Variants in PTPRA observed in about 807,000 individuals in gnomAD.
PTPRA encodes the protein receptor-type tyrosine-protein phosphatase alpha.
PTPRA carries 25 observed loss-of-function variants against 104.8 expected under a neutral mutation model. That is an observed-to-expected ratio of 0.24 (90% CI 0.17 to 0.33). The LOEUF is 0.33. PTPRA is among the 10% of genes least tolerant of loss of function. The pLI, the probability that PTPRA is intolerant of heterozygous loss-of-function variation, is 1.00. For missense variants in PTPRA, 765 were observed against 1,015.3 expected, an observed-to-expected ratio of 0.75 and a Z score of 3.35; for synonymous variants, 323 against 368.9, an observed-to-expected ratio of 0.88 and a Z score of 1.43.
At chr20:2,982,961 G>C (rs1024718870) in intron 6 of PTPRA, among the ~76,000 whole-genome samples, 3 of 152,166 alleles carry the variant, frequency 2.0e-5, no homozygotes, top group Non-Finnish European at 2.9e-5. Flanking sequence ...GCTTCCCAAA[G>C]TGCTGGGATT....
chr20:2,888,458 C>T (rs1391519211), intron 1 of PTPRA, among the ~76,000 whole-genome samples: 2 of 151,734 alleles, frequency 1.3e-5, no homozygotes, highest in Non-Finnish European at 2.9e-5. Context: ...ACTTGGGAGG[C>T]TGAGGTGGGA....
chr20:2,866,460 C>T, the PTPRA span: 46 of 1,614,026 alleles, frequency 2.9e-5, no homozygotes, highest in Middle Eastern at 1.6e-4. Context: ...ATGTGGCCAT[C>T]GAACACCGGA....
intron 6 of PTPRA, among the ~76,000 whole-genome samples, chr20:2,982,700 T>A (rs759865752): frequency 4.3e-3 from 635 of 149,028 alleles, no homozygotes; most frequent in Middle Eastern, 0.011. Context: ...TAACAGCAAT[T>A]TTTTTTTTTT....
chr20:3,036,048 A>G (rs1015179286), intron 22 of PTPRA, 107 bp downstream of exon 22: 4 of 1,550,068 alleles, frequency 2.6e-6, no homozygotes, highest in Non-Finnish European at 3.5e-6. Context: ...AGAGCAAGAT[A>G]TTGGTGAGCA....
intron 1 of PTPRA, among the ~76,000 whole-genome samples, chr20:2,905,690 C>CTTTTTTTTTTTTT (rs11479039): frequency 1.7e-4 from 12 of 70,632 alleles, no homozygotes; most frequent in East Asian, 4.2e-4. Context: ...TCATAAAATT[C>CTTTTTTTTTTTTT]TTTTTTTTTT....
intron 3 of PTPRA, among the ~76,000 whole-genome samples, chr20:2,952,448 T>C (rs1404570782): frequency 6.6e-6 from 1 of 152,216 alleles, no homozygotes. Flanking sequence ...GAGAGTTCTT[T>C]ATATATCTGG....
intron 6 of PTPRA, among the ~76,000 whole-genome samples, chr20:2,978,376 AAAC>A (rs1186022742): frequency 6.6e-6 from 1 of 152,196 alleles, no homozygotes; most frequent in Non-Finnish European, 1.5e-5. Context: ...GAAACATTTA[AAAC>A]AACATTACAA....
intron 12 of PTPRA, among the ~76,000 whole-genome samples, 199 bp downstream of exon 12, chr20:3,016,084 A>G (rs2064432689): frequency 6.6e-6 from 1 of 152,232 alleles, no homozygotes; most frequent in South Asian, 2.1e-4. Flanking sequence ...CCAGGGATCC[A>G]TTAAAAGAAG....
At chr20:2,930,176 C>T (rs1054383179) in intron 2 of PTPRA, among the ~76,000 whole-genome samples, 1 of 152,134 alleles carries the variant, frequency 6.6e-6, no homozygotes, top group African/African-American at 2.4e-5. Flanking sequence ...TGCATTGCAG[C>T]ATTTGGTAAA....
chr20:2,940,250 C>T (rs568557877), intron 2 of PTPRA, among the ~76,000 whole-genome samples: 12 of 152,036 alleles, frequency 7.9e-5, no homozygotes, highest in East Asian at 7.7e-4. Flanking sequence ...AACCTATGTA[C>T]GTAGTCTTTC....
At chr20:3,024,317 C>T (rs943603405) in intron 16 of PTPRA, among the ~76,000 whole-genome samples, 155 bp from the exon 17 acceptor site, 1 of 152,170 alleles carries the variant, frequency 6.6e-6, no homozygotes, top group African/African-American at 2.4e-5. Flanking sequence ...TTTCAAGTCC[C>T]ACTTCACTAA....
intron 3 of PTPRA, among the ~76,000 whole-genome samples, chr20:2,958,197 G>A (rs2061606979): frequency 6.6e-6 from 1 of 152,138 alleles, no homozygotes; most frequent in South Asian, 2.1e-4. Context: ...AGCAGGTGTG[G>A]TAGACATAAC....
At chr20:2,993,321 T>C (rs1191970855) in intron 9 of PTPRA, among the ~76,000 whole-genome samples, 1 of 152,162 alleles carries the variant, frequency 6.6e-6, no homozygotes, top group Non-Finnish European at 1.5e-5. Flanking sequence ...TCAGAAAATT[T>C]GGCTGAGGTG....
intron 1 of PTPRA, among the ~76,000 whole-genome samples, chr20:2,903,907 CA>C (rs1390649322): frequency 6.6e-6 from 1 of 151,554 alleles, no homozygotes; most frequent in Non-Finnish European, 1.5e-5. Flanking sequence ...GGTGGGTTTC[CA>C]TAACTTTTTT....
intron 3 of PTPRA, among the ~76,000 whole-genome samples, chr20:2,954,270 G>C (rs1054800890): frequency 1.6e-4 from 24 of 151,628 alleles, no homozygotes; most frequent in African/African-American, 5.8e-4. Flanking sequence ...GTAGAGATGG[G>C]GTTTCACCAT....
intron 1 of PTPRA, among the ~76,000 whole-genome samples, chr20:2,879,828 A>G (rs1002975201): frequency 2.6e-5 from 4 of 152,232 alleles, no homozygotes; most frequent in Admixed American, 2.6e-4. Context: ...AGTAGGCTAT[A>G]CAATATAGCC....
At chr20:3,019,164 A>C (rs1222412198) in intron 13 of PTPRA, among the ~76,000 whole-genome samples, 23 of 125,930 alleles carry the variant, frequency 1.8e-4, no homozygotes, top group East Asian at 2.6e-4. Flanking sequence ...CTGATCCCCC[A>C]ACCTCCCTCC....
intron 2 of PTPRA, among the ~76,000 whole-genome samples, chr20:2,933,243 A>G: frequency 6.6e-6 from 1 of 152,164 alleles, no homozygotes; most frequent in East Asian, 1.9e-4. Context: ...TTTGTTAGCA[A>G]AGATGAATTT....
chr20:2,939,722 C>G lies in PTPRA; in HGVS notation c.-49-8260C>G, dbSNP rs143732989. 4.9e-3 allele frequency among the ~76,000 whole-genome samples: 753 copies of G among 152,312 alleles called. 5 individuals are homozygous for G. Among genetic ancestry groups the G allele is most frequent in the African/African-American group, 0.017 (693 of 41,568 alleles). The stretch of plus-strand genomic sequence containing the variant: ...CCTGTTGGGTCAGTCCTCATGTCCC[C>G]TGGTCCCTAGCCAATCTACCTTCTT... On this transcript the variant is annotated intron_variant, in intron 2 of 23. Transcript: ENST00000399903.
Sources: allele counts gnomAD v4.1 joint callset (sites outside exome capture counted in the v4.1 genomes callset), GRCh38; gene constraint gnomAD v4.1.1; transcripts MANE v1.5; gene names NCBI Gene and HGNC (gene_info 2026-07-23, HGNC 2026-07-21).